Variants in ADAMTS6 observed in about 807,000 individuals in gnomAD.
The protein encoded by ADAMTS6 is A disintegrin and metalloproteinase with thrombospondin motifs 6.
A neutral mutation model predicts 144.3 loss-of-function variants in ADAMTS6; 23 were observed. The observed-to-expected ratio is 0.16, with a 90% CI of 0.11 to 0.23. ADAMTS6 has a LOEUF of 0.23. ADAMTS6 is among the 10% of genes least tolerant of loss of function. ADAMTS6 has a pLI of 1.00. For missense variants in ADAMTS6, 999 were observed against 1,379.6 expected, an observed-to-expected ratio of 0.72 and a Z score of 4.37; for synonymous variants, 444 against 457.5, an observed-to-expected ratio of 0.97 and a Z score of 0.38.
intron 7 of ADAMTS6, among the ~76,000 whole-genome samples, chr5:65,369,407 G>C (rs762754120): frequency 4.6e-5 from 7 of 151,910 alleles, no homozygotes; most frequent in African/African-American, 7.3e-5. Flanking sequence ...TACAAAAGTG[G>C]CAATTTCATA....
chr5:65,464,290 TAC>T (rs1759837641), intron 3 of ADAMTS6, among the ~76,000 whole-genome samples: 1 of 152,156 alleles, frequency 6.6e-6, no homozygotes, highest in African/African-American at 2.4e-5. Flanking sequence ...TTTAGTAAAA[TAC>T]AGTTATCAAA....
intron 7 of ADAMTS6, among the ~76,000 whole-genome samples, chr5:65,394,027 C>A (rs1309156519): frequency 6.6e-6 from 1 of 152,092 alleles, no homozygotes; most frequent in Admixed American, 6.6e-5. Flanking sequence ...ATTCATGTGG[C>A]AAATTTTTTT....
In ADAMTS6 at chr5:65,151,184, A is replaced by G. The variant is rs1752123379; in HGVS notation, c.*652T>C. On this transcript the variant is annotated 3_prime_UTR_variant, in exon 25 of 25. Coordinates refer to ENST00000381055, the MANE Select transcript of ADAMTS6 (RefSeq NM_197941.4). The stretch of plus-strand genomic sequence containing the variant: ...ATGCCCCTCATTATTGTTCAGTTTA[A>G]TATAGTTTTATATATGGCTCACAGC... 1 of 152,664 alleles carries G rather than the reference A, an allele frequency of 6.6e-6. No individual in the cohort carries two copies. Among genetic ancestry groups the G allele is most frequent in the Admixed American group, 6.5e-5 (1 of 15,284 alleles). The allele number at this position is 152,664 out of a possible 1,614,324, so 9.5% of individuals were successfully genotyped here.
At chr5:65,286,448 G>A (rs1039767144) in intron 11 of ADAMTS6, among the ~76,000 whole-genome samples, 1 of 152,114 alleles carries the variant, frequency 6.6e-6, no homozygotes, top group Admixed American at 6.5e-5. Context: ...AAAATAAGCA[G>A]TAACATGTAC....
intron 2 of ADAMTS6, among the ~76,000 whole-genome samples, chr5:65,471,601 CA>C (rs11433865): frequency 6.6e-6 from 1 of 151,670 alleles, no homozygotes; most frequent in African/African-American, 2.4e-5. Context: ...ACTAAAAATA[CA>C]AAAAAATTAT....
chr5:65,462,841 G>A (rs951287076), intron 3 of ADAMTS6, among the ~76,000 whole-genome samples: 31 of 152,042 alleles, frequency 2.0e-4, no homozygotes, highest in African/African-American at 7.5e-4. Flanking sequence ...CAGCACTTTG[G>A]GAGGCTAAGG....
At chr5:65,205,048 T>A (rs1310432048) in intron 20 of ADAMTS6, among the ~76,000 whole-genome samples, 2 of 152,284 alleles carry the variant, frequency 1.3e-5, no homozygotes, top group Middle Eastern at 3.4e-3. Flanking sequence ...GATAAGCACA[T>A]TTAGTTATAA....
chr5:65,425,560 T>C (rs1756440775), intron 7 of ADAMTS6, among the ~76,000 whole-genome samples: 1 of 152,238 alleles, frequency 6.6e-6, no homozygotes, highest in Non-Finnish European at 1.5e-5. Flanking sequence ...CTTTGTGATG[T>C]TCCTGCTTAA....
intron 7 of ADAMTS6, among the ~76,000 whole-genome samples, chr5:65,371,876 G>A (rs962855006): frequency 2.6e-5 from 4 of 152,092 alleles, no homozygotes; most frequent in Non-Finnish European, 5.9e-5. Context: ...CAGAGAGAAA[G>A]GTCAGGTTAC....
At position 65,473,617 on chromosome 5, in the gene ADAMTS6, C is replaced by A. The variant is rs1317047667; in HGVS notation, c.57G>T (p.Ser19=). The change falls in exon 2 of 25, where the codon TCG becomes TCT. Residue 19 remains serine, a synonymous_variant. Coordinates refer to ENST00000381055, the MANE Select transcript of ADAMTS6 (RefSeq NM_197941.4). The part of the protein sequence containing the change: ...TWILSLIMAS[S]EFHSDHRLSY... ...AAAGCCTGTGGTCACTATGAAATTC[C>A]GATGAAGCCATGATGAGGCTCAAAA... The A allele has an allele frequency of 6.2e-7, 1 of 1,613,580 alleles. No homozygotes were observed. Among genetic ancestry groups the A allele is most frequent in the Non-Finnish European group, 8.5e-7 (1 of 1,179,716 alleles).
chr5:65,186,212 A>G (rs573107512), intron 22 of ADAMTS6, among the ~76,000 whole-genome samples: 1 of 152,076 alleles, frequency 6.6e-6, no homozygotes, highest in East Asian at 1.9e-4. Flanking sequence ...ACCCCTCCAT[A>G]TTCAGCTTAA....
At chr5:65,378,978 T>C (rs1751803065) in intron 7 of ADAMTS6, among the ~76,000 whole-genome samples, 1 of 152,200 alleles carries the variant, frequency 6.6e-6, no homozygotes, top group Admixed American at 6.5e-5. Context: ...CATGATCTTA[T>C]TGTAAAATCA....
intron 1 of ADAMTS6, among the ~76,000 whole-genome samples, chr5:65,474,724 C>T (rs1035522715): frequency 6.6e-5 from 10 of 150,500 alleles, no homozygotes; most frequent in Non-Finnish European, 1.2e-4. Flanking sequence ...GCCTGGTTTC[C>T]CCGCATACAG....
chr5:65,413,107 T>C (rs1017456570), intron 7 of ADAMTS6, among the ~76,000 whole-genome samples: 1 of 152,188 alleles, frequency 6.6e-6, no homozygotes, highest in African/African-American at 2.4e-5. Flanking sequence ...GATCAATTTC[T>C]AGCCTCTCAG....
intron 24 of ADAMTS6, among the ~76,000 whole-genome samples, chr5:65,156,647 T>C (rs1285274693): frequency 2.0e-5 from 3 of 152,214 alleles, no homozygotes; most frequent in African/African-American, 7.2e-5. Flanking sequence ...AATCACTCTG[T>C]AGTTAATTTG....
At chr5:65,240,423 A>G (rs566759756) in intron 15 of ADAMTS6, among the ~76,000 whole-genome samples, 3 of 152,314 alleles carry the variant, frequency 2.0e-5, no homozygotes, top group African/African-American at 4.8e-5. Flanking sequence ...TAGGAGGAGT[A>G]GGGAGAGGCA....
At chr5:65,177,581 A>G (rs1421349138) in intron 22 of ADAMTS6, among the ~76,000 whole-genome samples, 1 of 152,216 alleles carries the variant, frequency 6.6e-6, no homozygotes, top group Non-Finnish European at 1.5e-5. Flanking sequence ...TAGTTGGTCC[A>G]ACATTCTGTG....
intron 9 of ADAMTS6, among the ~76,000 whole-genome samples, chr5:65,316,951 G>A (rs977238016): frequency 2.6e-5 from 4 of 151,834 alleles, no homozygotes; most frequent in Non-Finnish European, 4.4e-5. Flanking sequence ...ACAAGCGTGC[G>A]CCATCAAGCC....
At chr5:65,232,021 G>T (rs1291361796) in intron 15 of ADAMTS6, among the ~76,000 whole-genome samples, 1 of 152,130 alleles carries the variant, frequency 6.6e-6, no homozygotes, top group Non-Finnish European at 1.5e-5. Context: ...TGAGGCAGGA[G>T]AATCACTTGA....
Sources: allele counts gnomAD v4.1 joint callset (sites outside exome capture counted in the v4.1 genomes callset), GRCh38; gene constraint gnomAD v4.1.1; transcripts MANE v1.5; gene names NCBI Gene and HGNC (gene_info 2026-07-23, HGNC 2026-07-21).